RSPO3: variants seen among roughly 807,000 people sequenced by gnomAD.
RSPO3 encodes R-spondin 3, also known as R-spondin-3.
Under a neutral mutation model 36.5 loss-of-function variants are expected in RSPO3, and 17 were observed. The observed-to-expected ratio is 0.47, with a 90% confidence interval of 0.32 to 0.70. RSPO3 has a LOEUF of 0.70. Among genes scored for constraint, RSPO3 ranks in the 30% least tolerant of loss-of-function variants. The pLI is 0.04. For missense variants in RSPO3, 294 were observed against 322.5 expected (o/e 0.91, Z 0.68); for synonymous variants, 108 against 107.0 (o/e 1.01, Z -0.06).
chr6:127,186,439 A>T (rs936417728), intron 4 of RSPO3, among the ~76,000 whole-genome samples: 4 of 152,172 alleles, frequency 2.6e-5, no homozygotes, highest in Non-Finnish European at 5.9e-5. Flanking sequence ...TGAGAATGAA[A>T]GATGGATAAT....
chr6:127,119,441 G>T (rs574185640), intron 1 of RSPO3, 152 bp downstream of exon 1: 3 of 637,054 alleles, frequency 4.7e-6, no homozygotes, highest in East Asian at 5.3e-5. Context: ...GGGTATGGAC[G>T]GCGTCTTTCA....
intron 1 of RSPO3, among the ~76,000 whole-genome samples, chr6:127,143,411 A>AAG (rs1774318792): frequency 1.3e-5 from 2 of 152,194 alleles, no homozygotes; most frequent in African/African-American, 4.8e-5. Context: ...CCTGTCTCTT[A>AAG]AGGCCACTGC....
chr6:127,180,581 G>T (rs1775164716), intron 4 of RSPO3, among the ~76,000 whole-genome samples: 1 of 147,764 alleles, frequency 6.8e-6, no homozygotes, highest in South Asian at 2.1e-4. Flanking sequence ...ACTGAATGAG[G>T]ATAAAGAAGG....
intron 1 of RSPO3, among the ~76,000 whole-genome samples, chr6:127,147,903 T>C (rs1208137704): frequency 6.6e-6 from 1 of 152,110 alleles, no homozygotes; most frequent in Non-Finnish European, 1.5e-5. Context: ...CCATAAGTAG[T>C]CATATATGAT....
At chr6:127,137,826 G>T in intron 1 of RSPO3, among the ~76,000 whole-genome samples, 1 of 151,756 alleles carries the variant, frequency 6.6e-6, no homozygotes, top group Admixed American at 6.6e-5. Flanking sequence ...CTTTTAATTT[G>T]CGGCAAAAAG....
At chr6:127,141,550 T>C (rs1010426922) in intron 1 of RSPO3, among the ~76,000 whole-genome samples, 5 of 152,196 alleles carry the variant, frequency 3.3e-5, no homozygotes, top group Admixed American at 1.3e-4. Flanking sequence ...TTCCAAGTTC[T>C]CAAAGAAACC....
At chr6:127,150,992 G>A (rs1438827919) in intron 3 of RSPO3, among the ~76,000 whole-genome samples, 1 of 151,678 alleles carries the variant, frequency 6.6e-6, no homozygotes, top group Non-Finnish European at 1.5e-5. Flanking sequence ...TAGAGCAACA[G>A]TTTCATAAAA....
At position 127,196,874 on chromosome 6, in the gene RSPO3, T is replaced by A; in HGVS notation, c.*867T>A. 1 of 152,798 alleles carries A rather than the reference T, an allele frequency of 6.5e-6. No homozygotes were observed. Among genetic ancestry groups the A allele is most frequent in the East Asian group, 1.9e-4 (1 of 5,192 alleles). The allele number at this position is 152,798 out of a possible 1,614,324, so 9.5% of individuals were successfully genotyped here. On this transcript the variant is annotated 3_prime_UTR_variant, in exon 5 of 5. Transcript: ENST00000356698. ...GAAAAAAAATAGAGCAAGGAGAATA[T>A]AACATGTTTGCAAAGTCATGTGTTT...
intron 4 of RSPO3, among the ~76,000 whole-genome samples, chr6:127,188,814 T>C (rs1582815814): frequency 6.6e-6 from 1 of 152,188 alleles, no homozygotes; most frequent in African/African-American, 2.4e-5. Context: ...GAAAGTACAC[T>C]CCAAATCTTG....
chr6:127,146,166 T>C (rs1774379034), intron 1 of RSPO3, among the ~76,000 whole-genome samples: 1 of 152,190 alleles, frequency 6.6e-6, no homozygotes, highest in Non-Finnish European at 1.5e-5. Flanking sequence ...TCATTTGATA[T>C]TCAAAATTCA....
chr6:127,167,172 C>T (rs1180183566), intron 4 of RSPO3, among the ~76,000 whole-genome samples: 2 of 151,820 alleles, frequency 1.3e-5, no homozygotes, highest in Non-Finnish European at 2.9e-5. Context: ...GCAGGATGTG[C>T]AGGTTTGTTA....
intron 4 of RSPO3, among the ~76,000 whole-genome samples, chr6:127,161,169 ATG>A (rs1039590618): frequency 1.3e-5 from 2 of 152,062 alleles, no homozygotes; most frequent in Admixed American, 6.6e-5. Flanking sequence ...AGCAGGATCT[ATG>A]TGAGGATTCT....
chr6:127,135,886 CT>C (rs1393190374), intron 1 of RSPO3, among the ~76,000 whole-genome samples: 1 of 150,242 alleles, frequency 6.7e-6, no homozygotes, highest in Admixed American at 6.6e-5. Flanking sequence ...GTAATCATGC[CT>C]CTGCACTCCA....
chr6:127,129,810 C>T (rs1312474683), intron 1 of RSPO3, among the ~76,000 whole-genome samples: 1 of 152,062 alleles, frequency 6.6e-6, no homozygotes, highest in African/African-American at 2.4e-5. Context: ...AGTTCTCCTC[C>T]TCCCTTCCTG....
At chr6:127,143,307 A>C in intron 1 of RSPO3, among the ~76,000 whole-genome samples, 1 of 152,110 alleles carries the variant, frequency 6.6e-6, no homozygotes, top group Non-Finnish European at 1.5e-5. Context: ...CGTACAGTCA[A>C]TGTGAGCACA....
intron 2 of RSPO3, 97 bp from the exon 3 acceptor site, chr6:127,150,329 A>G: frequency 1.7e-6 from 2 of 1,172,004 alleles, no homozygotes; most frequent in Non-Finnish European, 1.2e-6. Flanking sequence ...TTTATTTGAT[A>G]CTAAAGTTGT....
chr6:127,120,389 A>G (rs971867864), intron 1 of RSPO3, among the ~76,000 whole-genome samples: 1 of 152,016 alleles, frequency 6.6e-6, no homozygotes, highest in African/African-American at 2.4e-5. Flanking sequence ...GAGAGGGAGG[A>G]GGAAACTTCT....
In RSPO3 at chr6:127,156,072, T is replaced by C. The variant is rs186992595; in HGVS notation, c.634+634T>C. Among the ~76,000 whole-genome samples, 34 of 152,250 alleles carry C rather than the reference T, an allele frequency of 2.2e-4. No individual in the cohort carries two copies. The East Asian group carries it at 5.4e-3, about 24-fold the overall frequency. On this transcript the variant is annotated intron_variant, in intron 4 of 4. Coordinates refer to ENST00000356698, the MANE Select transcript of RSPO3 (RefSeq NM_032784.5). The stretch of plus-strand genomic sequence containing the variant: ...CGTGAGCCGCCATACCTGGCCAGTA[T>C]AGTTAATACTGACTTTATTTTGAAA...
intron 2 of RSPO3, among the ~76,000 whole-genome samples, chr6:127,149,538 T>G (rs1774450094): frequency 6.6e-6 from 1 of 152,096 alleles, no homozygotes; most frequent in Non-Finnish European, 1.5e-5. Flanking sequence ...CTTATATCAT[T>G]GATGATTTTG....
Sources: gnomAD v4.1 joint callset for allele counts (sites outside exome capture counted in the v4.1 genomes callset) on GRCh38, gnomAD v4.1.1 for gene constraint, MANE v1.5 for transcripts, NCBI Gene and HGNC (gene_info 2026-07-23, HGNC 2026-07-21) for gene names.